The following HERC1 variants were observed in gnomAD, a reference collection of about 807,000 sequenced individuals.
HERC1 encodes the protein probable E3 ubiquitin-protein ligase HERC1.
In HERC1, 160 loss-of-function variants were observed where a neutral mutation model predicts 554.3. That is an observed-to-expected ratio of 0.29 (90% CI 0.25 to 0.33). The LOEUF is 0.33. Among genes scored for constraint, HERC1 ranks in the 10% least tolerant of loss-of-function variants. The pLI is 1.00. For missense variants in HERC1, 4,919 were observed against 5,918.5 expected (o/e 0.83, Z 5.54); for synonymous variants, 2,175 against 2,131.7 (o/e 1.02, Z -0.56).
chr15:63,725,199 T>G, intron 18 of HERC1, 93 bp downstream of exon 18: 1 of 1,104,114 alleles, frequency 9.1e-7, no homozygotes, highest in Non-Finnish European at 1.3e-6. Context: ...AATTGGTGCC[T>G]GTCAGTTCTC....
chr15:63,625,260 A>C (rs1002900795), intron 71 of HERC1, among the ~76,000 whole-genome samples: 7 of 152,240 alleles, frequency 4.6e-5, no homozygotes, highest in African/African-American at 1.7e-4. Flanking sequence ...CTAATTTGTA[A>C]GAAGAGAAAA....
chr15:63,655,439 CAA>C (rs928282064), intron 50 of HERC1, among the ~76,000 whole-genome samples: 1 of 152,162 alleles, frequency 6.6e-6, no homozygotes, highest in African/African-American at 2.4e-5. Flanking sequence ...GTAGTCCCTT[CAA>C]AGTGTTATAA....
At chr15:63,689,482 G>A in intron 33 of HERC1, 107 bp downstream of exon 33, 1 of 608,682 alleles carries the variant, frequency 1.6e-6, no homozygotes, top group East Asian at 2.9e-5. Context: ...GAGAGGAAAT[G>A]GAATAAATGA....
At chr15:63,722,235 A>G (rs1335332517) in intron 19 of HERC1, among the ~76,000 whole-genome samples, 2 of 152,206 alleles carry the variant, frequency 1.3e-5, no homozygotes, top group East Asian at 3.8e-4. Flanking sequence ...GTACTTTACC[A>G]TGGTACTTAA....
Position 63,746,903 on chromosome 15 carries a change from G to C in HERC1, c.2520+15C>G. The C allele has an allele frequency of 6.5e-7, 1 of 1,549,618 alleles. No homozygotes were observed. Among genetic ancestry groups the C allele is most frequent in the Non-Finnish European group, 8.7e-7 (1 of 1,145,156 alleles). On this transcript the variant is annotated intron_variant, in intron 12 of 77. Coordinates refer to ENST00000443617, the MANE Select transcript of HERC1 (RefSeq NM_003922.4). ...CGTGGTTTGAGATACAGATTCACAAGTCCTATTCTCTTACCTCTTGGATTT... is the reference window on the plus strand; with the variant it reads ...CGTGGTTTGAGATACAGATTCACAACTCCTATTCTCTTACCTCTTGGATTT...
chr15:63,680,007 T>C lies in HERC1; in HGVS notation c.6549+70A>G. ...GGCAGAAGAAATAGCTTATTATATT[T>C]ATAAACTCTATCTGATGCTAAACAA... On this transcript the variant is annotated intron_variant, in intron 36 of 77. Transcript: ENST00000443617. This position sits in a 1 kb window ranked among gnomAD's most constrained non-coding sequence, Gnocchi z 5.8. 1 of 1,071,154 alleles carries C rather than the reference T, an allele frequency of 9.3e-7. No homozygotes were observed. Among genetic ancestry groups the C allele is most frequent in the South Asian group, 1.5e-5 (1 of 67,106 alleles). 66.4% of individuals were successfully genotyped at this position (1,071,154 alleles called of 1,614,324 possible).
In HERC1 at chr15:63,658,642, A is replaced by C. The variant is rs144537688; in HGVS notation, c.9501T>G (p.Pro3167=). The change falls in exon 48 of 78, where the codon CCT becomes CCG. Residue 3167 remains proline, a synonymous_variant. Transcript: ENST00000443617. The part of the protein sequence containing the change: ...LGEQAAALAN[P]HDRVVALRRV... ...TCCTTAAAGCCACCACACGGTCATG[A>C]GGGTTTGCTAGGGCAGCTGCCTGCT... is the stretch of plus-strand genomic sequence containing the variant. The C allele has an allele frequency of 4.9e-4, 791 of 1,613,930 alleles. 6 individuals carry two copies. In the East Asian group the frequency reaches 0.015, roughly 31 times the overall value.
intron 46 of HERC1, 93 bp from the exon 47 acceptor site, chr15:63,660,029 A>G: frequency 9.5e-7 from 1 of 1,049,172 alleles, no homozygotes. Flanking sequence ...TCTAAAATGC[A>G]GATGAGCAGC....
chr15:63,668,396 G>A (rs1051894044), intron 40 of HERC1, among the ~76,000 whole-genome samples: 1 of 152,176 alleles, frequency 6.6e-6, no homozygotes, highest in Non-Finnish European at 1.5e-5. Context: ...GGGAAGCTGA[G>A]GTGGGAGAAC....
Position 63,616,621 on chromosome 15 carries a change from T to C in HERC1, c.13750A>G (p.Ile4584Val). The C allele has an allele frequency of 6.2e-7, 1 of 1,613,892 alleles. No homozygotes were observed. The highest frequency in any genetic ancestry group is 1.3e-5 in the African/African-American group (1 of 75,026). ...GTGCGAATGGCAACCCCCATTAAAA[T>C]TCCTAAAAACTTAAACTGCATTAAG... ...EHLMQFKFLG[I>V]LMGVAIRTKK... The change falls in exon 75 of 78, where the codon ATT (isoleucine) becomes GTT (valine). Residue 4584 changes from isoleucine (I) to valine (V), a missense_variant. By Grantham distance (29) the Ile-to-Val change is conservative. This residue lies in a region of HERC1 where 284 missense variants were observed against 294.1 expected (regional missense o/e 0.97). Coordinates refer to ENST00000443617, the MANE Select transcript of HERC1 (RefSeq NM_003922.4).
chr15:63,790,155 A>G (rs976607127), intron 1 of HERC1, among the ~76,000 whole-genome samples: 12 of 152,338 alleles, frequency 7.9e-5, no homozygotes, highest in African/African-American at 2.4e-4. Flanking sequence ...TAACACATAT[A>G]AAGTTCTTGG....
At chr15:63,637,767 G>T in intron 63 of HERC1, 124 bp from the exon 64 acceptor site, 1 of 641,664 alleles carries the variant, frequency 1.6e-6, no homozygotes, top group South Asian at 2.5e-5. Flanking sequence ...TTTACTGAAA[G>T]GGAAGAGTTG....
intron 77 of HERC1, 76 bp from the exon 78 acceptor site, chr15:63,609,342 T>TCC: frequency 7.8e-7 from 1 of 1,280,336 alleles, no homozygotes; most frequent in Non-Finnish European, 1.1e-6. Flanking sequence ...CCATGACCTC[T>TCC]CCCTGCCTTC....
intron 1 of HERC1, among the ~76,000 whole-genome samples, chr15:63,800,425 T>A (rs1345294170): frequency 6.6e-6 from 1 of 152,218 alleles, no homozygotes; most frequent in Non-Finnish European, 1.5e-5. Context: ...GGCAGTTCTC[T>A]TTATTTAGAG....
chr15:63,816,083 C>G (rs953671319), intron 1 of HERC1, among the ~76,000 whole-genome samples: 1 of 68,502 alleles, frequency 1.5e-5, no homozygotes, highest in African/African-American at 5.9e-5. Flanking sequence ...GGTGGGGACA[C>G]AGCCAAACCA....
chr15:63,826,957 C>T (rs1349719503), intron 1 of HERC1, among the ~76,000 whole-genome samples: 2 of 151,178 alleles, frequency 1.3e-5, no homozygotes, highest in East Asian at 3.9e-4. Context: ...ACTACATGTG[C>T]ACTTAACTTT....
chr15:63,679,170 G>C (rs533326778), intron 36 of HERC1, among the ~76,000 whole-genome samples: 1 of 152,060 alleles, frequency 6.6e-6, no homozygotes, highest in Non-Finnish European at 1.5e-5. Context: ...GCCATCATTC[G>C]AACCAGAACA....
At position 63,630,480 on chromosome 15, in the gene HERC1, T is replaced by G; in HGVS notation, c.12952A>C (p.Asn4318His). The change falls in exon 69 of 78, where the codon AAT becomes CAT. Residue 4318 changes from asparagine to histidine, a missense_variant. By Grantham distance (68) the Asn-to-His change is moderately conservative. Around this residue, in one of 11 missense-constraint regions of HERC1, gnomAD observed 410 missense variants for 467.0 expected, o/e 0.88. Coordinates refer to ENST00000443617, the MANE Select transcript of HERC1 (RefSeq NM_003922.4). Reference sequence around the variant, plus strand: ...TAAATATTTACCTGCCCTTCTGAATTGCTCCCCCAGGCATACACATCTCCA... The same window carrying G: ...TAAATATTTACCTGCCCTTCTGAATGGCTCCCCCAGGCATACACATCTCCA... ...SNGDVYAWGS[N>H]SEGQLGLGHT... 6.2e-7 allele frequency: 1 copy of G among 1,612,430 alleles called. No homozygotes were observed. The highest frequency in any genetic ancestry group is 1.1e-5 in the South Asian group (1 of 90,644).
At chr15:63,659,518 GC>G (rs1310550534) in intron 47 of HERC1, among the ~76,000 whole-genome samples, 1 of 152,108 alleles carries the variant, frequency 6.6e-6, no homozygotes, top group Non-Finnish European at 1.5e-5. Context: ...CTTCCAAAGT[GC>G]TGGGATTACG....
Sources: allele counts gnomAD v4.1 joint callset (sites outside exome capture counted in the v4.1 genomes callset), GRCh38; gene constraint gnomAD v4.1.1; regional missense constraint gnomAD v4.1.1; non-coding constraint Gnocchi (gnomAD v3.1); transcripts MANE v1.5; gene names NCBI Gene and HGNC (gene_info 2026-07-23, HGNC 2026-07-21).